TOX: variants seen among roughly 807,000 people sequenced by gnomAD.
TOX encodes thymocyte selection-associated high mobility group box protein TOX.
In TOX, 11 loss-of-function variants were observed where a neutral mutation model predicts 53.7. The observed-to-expected ratio is 0.20, with a 90% confidence interval of 0.13 to 0.34. TOX has a LOEUF of 0.34. TOX is among the 10% of genes least tolerant of loss of function. The pLI is 1.00. For missense variants in TOX, 570 were observed against 664.6 expected, an observed-to-expected ratio of 0.86 and a Z score of 1.56; for synonymous variants, 225 against 245.3, an observed-to-expected ratio of 0.92 and a Z score of 0.77.
intron 1 of TOX, among the ~76,000 whole-genome samples, chr8:59,080,785 C>T (rs903686614): frequency 2.0e-5 from 3 of 152,074 alleles, no homozygotes; most frequent in African/African-American, 7.2e-5. Flanking sequence ...ACCATTTTGC[C>T]CTCCACCATG....
intron 3 of TOX, among the ~76,000 whole-genome samples, chr8:58,859,284 T>C (rs527514746): frequency 3.0e-4 from 46 of 152,308 alleles, no homozygotes; most frequent in African/African-American, 1.0e-3. Context: ...TTTTTAAAGA[T>C]TGAGACAAGT....
chr8:59,007,005 G>C (rs1813801786), intron 1 of TOX, among the ~76,000 whole-genome samples: 1 of 152,172 alleles, frequency 6.6e-6, no homozygotes, highest in Non-Finnish European at 1.5e-5. Flanking sequence ...CACACTTGTT[G>C]ATGGATTGAA....
chr8:59,050,483 A>C (rs754210803), intron 1 of TOX, among the ~76,000 whole-genome samples: 1 of 152,184 alleles, frequency 6.6e-6, no homozygotes, highest in Non-Finnish European at 1.5e-5. Context: ...GAGCCATCAG[A>C]TTAATGAATT....
At chr8:59,114,314 A>T (rs1190419849) in intron 1 of TOX, among the ~76,000 whole-genome samples, 1 of 152,222 alleles carries the variant, frequency 6.6e-6, no homozygotes, top group Admixed American at 6.5e-5. Flanking sequence ...ATAACATCAG[A>T]TCCCTCTATA....
At chr8:59,093,248 G>A (rs1804657179) in intron 1 of TOX, among the ~76,000 whole-genome samples, 1 of 152,116 alleles carries the variant, frequency 6.6e-6, no homozygotes, top group Non-Finnish European at 1.5e-5. Context: ...TCTTTGTTAT[G>A]CCCAAGTTTC....
chr8:59,101,916 T>C (rs1228626664), intron 1 of TOX, among the ~76,000 whole-genome samples: 1 of 152,198 alleles, frequency 6.6e-6, no homozygotes, highest in Non-Finnish European at 1.5e-5. Flanking sequence ...AGCTACTGGG[T>C]GTCCCCTAAC....
chr8:58,915,017 G>A (rs1209083243), intron 3 of TOX, among the ~76,000 whole-genome samples: 2 of 150,614 alleles, frequency 1.3e-5, no homozygotes, highest in East Asian at 2.0e-4. Flanking sequence ...GGCGCACCAC[G>A]AGACTATATC....
In TOX at chr8:58,828,859, A is replaced by T. The variant is rs574672074; in HGVS notation, c.925-1957T>A. On this transcript the variant is annotated intron_variant, in intron 5 of 8. Transcript: ENST00000361421. Reference sequence around the variant, plus strand: ...ACTTTCAAGAGGGTTTTTCTCCCATACAGATAGAAATCCTATTCAGGACTT... The same window carrying T: ...ACTTTCAAGAGGGTTTTTCTCCCATTCAGATAGAAATCCTATTCAGGACTT... 2.6e-5 allele frequency among the ~76,000 whole-genome samples: 4 copies of T among 152,290 alleles called. No individual in the cohort carries two copies. The South Asian group carries it at 8.3e-4, about 32-fold the overall frequency.
chr8:58,820,886 A>T (rs567075658), intron 6 of TOX, among the ~76,000 whole-genome samples: 1 of 152,324 alleles, frequency 6.6e-6, no homozygotes, highest in South Asian at 2.1e-4. Context: ...AACTAGTTCC[A>T]TTGCTCTATA....
chr8:58,964,629 T>C (rs2129178957), intron 1 of TOX, among the ~76,000 whole-genome samples: 1 of 152,336 alleles, frequency 6.6e-6, no homozygotes, highest in African/African-American at 2.4e-5. Flanking sequence ...GAATGAGGCC[T>C]GAAACCATCA....
rs143132836 is a variant in TOX, at chr8:58,807,440, G to A, written c.*307C>T. 55 of 283,572 alleles carry A rather than the reference G, an allele frequency of 1.9e-4. No individual in the cohort carries two copies. Among genetic ancestry groups the A allele is most frequent in the Admixed American group, 8.8e-4 (19 of 21,526 alleles). The allele number at this position is 283,572 out of a possible 1,614,324, so 17.6% of individuals were successfully genotyped here. The stretch of plus-strand genomic sequence containing the variant: ...AATGGAAAATCCAGGACTTTTATCC[G>A]AGACATCTACAGTTGCTAAGGCAGT... On this transcript the variant is annotated 3_prime_UTR_variant, in exon 9 of 9. Coordinates refer to ENST00000361421, the MANE Select transcript of TOX (RefSeq NM_014729.3).
rs577952515 is a variant in TOX at position 58,939,291 on chromosome 8, C to G, written c.411+11G>C. ...TCAGCCCCCACCACAAACAGGTAAGCAGATTCTTACCACAGAAATGGAATT... is the reference window on the plus strand; with the variant it reads ...TCAGCCCCCACCACAAACAGGTAAGGAGATTCTTACCACAGAAATGGAATT... On this transcript the variant is annotated intron_variant, in intron 3 of 8. Transcript: ENST00000361421. 5.0e-6 allele frequency: 8 copies of G among 1,613,706 alleles called. No homozygotes were observed. Among genetic ancestry groups the G allele is most frequent in the Admixed American group, 1.7e-5 (1 of 59,996 alleles).
At chr8:58,989,839 T>A (rs6471763) in intron 1 of TOX, among the ~76,000 whole-genome samples, 142,282 of 152,286 alleles carry the variant, frequency 0.93, 66,504 homozygotes, top group East Asian at 1. Context: ...TCAGGACACT[T>A]TCTCCTGTCA....
At chr8:58,961,828 C>T (rs888345053) in intron 1 of TOX, among the ~76,000 whole-genome samples, 1 of 152,156 alleles carries the variant, frequency 6.6e-6, no homozygotes, top group African/African-American at 2.4e-5. Context: ...TTCTTTTCAA[C>T]ACAAAGATAG....
intron 1 of TOX, among the ~76,000 whole-genome samples, chr8:59,010,446 G>C (rs1245782383): frequency 6.6e-6 from 1 of 152,164 alleles, no homozygotes; most frequent in Non-Finnish European, 1.5e-5. Context: ...GATTTTAAGA[G>C]TGACGAGGCC....
At position 59,053,924 on chromosome 8, in the gene TOX, C is replaced by A. The variant is rs117748857; in HGVS notation, c.102+64962G>T. On this transcript the variant is annotated intron_variant, in intron 1 of 8. Coordinates refer to ENST00000361421, the MANE Select transcript of TOX (RefSeq NM_014729.3). ...CAAAAAAATATATATCATACATTTT[C>A]AAAAAGAAAATCTTGCATCCTCTTA... 2.4e-3 allele frequency among the ~76,000 whole-genome samples: 370 copies of A among 152,176 alleles called. 2 individuals are homozygous for A. Among genetic ancestry groups the A allele is most frequent in the African/African-American group, 8.5e-3 (353 of 41,538 alleles).
At chr8:58,860,635 T>G (rs1235533116) in intron 3 of TOX, among the ~76,000 whole-genome samples, 1 of 152,184 alleles carries the variant, frequency 6.6e-6, no homozygotes, top group African/African-American at 2.4e-5. Flanking sequence ...CTGACACAAT[T>G]ATGACCAAAC....
At chr8:58,850,838 C>T (rs377403571) in intron 4 of TOX, among the ~76,000 whole-genome samples, 2 of 152,170 alleles carry the variant, frequency 1.3e-5, no homozygotes, top group Admixed American at 6.5e-5. Context: ...GATTGCACAG[C>T]GCTGCTTTTG....
At chr8:58,891,813 A>G (rs1404664582) in intron 3 of TOX, among the ~76,000 whole-genome samples, 1 of 152,180 alleles carries the variant, frequency 6.6e-6, no homozygotes, top group Admixed American at 6.6e-5. Flanking sequence ...TCCTAGATGC[A>G]GTGTAGCTGT....
Sources: gnomAD v4.1 joint callset for allele counts (sites outside exome capture counted in the v4.1 genomes callset) on GRCh38, gnomAD v4.1.1 for gene constraint, MANE v1.5 for transcripts, NCBI Gene and HGNC (gene_info 2026-07-23, HGNC 2026-07-21) for gene names.